MTREX: variants seen among roughly 807,000 people sequenced by gnomAD.
The protein encoded by MTREX is Mtr4 exosome RNA helicase.
In MTREX, 76 loss-of-function variants were observed where a neutral mutation model predicts 135.4. The observed-to-expected ratio is 0.56, with a 90% CI of 0.47 to 0.68. The LOEUF (loss-of-function observed/expected upper bound fraction) is 0.68. Among genes scored for constraint, MTREX ranks in the 30% least tolerant of loss-of-function variants. MTREX has a pLI of 0.00. For missense variants in MTREX, 920 were observed against 1,262.1 expected, an observed-to-expected ratio of 0.73 and a Z score of 4.11; for synonymous variants, 404 against 401.6, an observed-to-expected ratio of 1.01 and a Z score of -0.07.
intron 7 of MTREX, 123 bp downstream of exon 7, chr5:55,341,894 G>T (rs1749654912): frequency 3.9e-6 from 2 of 514,010 alleles, no homozygotes; most frequent in Non-Finnish European, 6.8e-6. Context: ...ATAAACTGTT[G>T]TTTCTTTATT....
intron 15 of MTREX, among the ~76,000 whole-genome samples, chr5:55,360,311 A>T (rs1255748205): frequency 6.6e-6 from 1 of 151,660 alleles, no homozygotes; most frequent in Non-Finnish European, 1.5e-5. Context: ...ATAATATTTC[A>T]TTGTATGGGT....
Position 55,321,136 on chromosome 5 carries a change from A to T in MTREX, c.135-1191A>T, listed in dbSNP as rs559301563. On this transcript the variant is annotated intron_variant, in intron 1 of 26. Transcript: ENST00000230640. The stretch of plus-strand genomic sequence containing the variant: ...TTTTAAAGTGAATTAATAAGTATTT[A>T]AAAAAATTTTAATCTTAATATCTAA... Among the ~76,000 whole-genome samples, 68 of 152,200 alleles carry T rather than the reference A, an allele frequency of 4.5e-4. No homozygotes were observed. The South Asian group carries it at 8.0e-3, about 18-fold the overall frequency.
chr5:55,339,515 T>C (rs192780698), intron 5 of MTREX, among the ~76,000 whole-genome samples: 17 of 152,364 alleles, frequency 1.1e-4, no homozygotes, highest in Admixed American at 2.0e-4. Flanking sequence ...TTAATAGCTA[T>C]GAAAGAAATT....
rs1238194592 is a variant in MTREX, at chr5:55,388,015, A to G, written c.2094A>G (p.Val698=). Residue 698 remains valine, a synonymous_variant, in exon 19 of 27, where the codon GTA becomes GTG. Transcript: ENST00000230640. ...GELDPLYVVE[V]LLRCSKESLK... ...TGGATCCTTTGTATGTAGTAGAAGT[A>G]CTTCTGCGCTGTAGCAAAGAGAGCT... 1 of 1,605,700 alleles carries G rather than the reference A, an allele frequency of 6.2e-7. No individual in the cohort carries two copies. The highest frequency in any genetic ancestry group is 1.7e-5 in the Admixed American group (1 of 59,922).
At chr5:55,379,470 C>G (rs1017213851) in intron 18 of MTREX, among the ~76,000 whole-genome samples, 25 of 151,896 alleles carry the variant, frequency 1.6e-4, no homozygotes, top group African/African-American at 5.6e-4. Flanking sequence ...CAGGTGTGAG[C>G]CACCGCACCA....
chr5:55,385,610 G>A (rs949278647), intron 18 of MTREX, among the ~76,000 whole-genome samples: 2 of 152,198 alleles, frequency 1.3e-5, no homozygotes, highest in African/African-American at 2.4e-5. Context: ...AGACTTTACT[G>A]AATTTTAGAT....
At chr5:55,373,566 A>T (rs956580475) in intron 16 of MTREX, among the ~76,000 whole-genome samples, 107 of 152,222 alleles carry the variant, frequency 7.0e-4, no homozygotes, top group African/African-American at 2.4e-3. Flanking sequence ...ATCTATTTTT[A>T]AAAATATTTT....
At position 55,388,028 on chromosome 5, in the gene MTREX, A is replaced by G. The variant is rs1178637423; in HGVS notation, c.2107A>G (p.Ser703Gly). The change falls in exon 19 of 27, where the codon AGC (serine) becomes GGC (glycine). Residue 703 changes from serine to glycine, a missense_variant. Ser to Gly is a moderately conservative substitution (Grantham distance 56). Around this residue, in one of 6 missense-constraint regions of MTREX, gnomAD observed 467 missense variants for 589.7 expected, o/e 0.79. Transcript: ENST00000230640. Reference sequence around the variant, plus strand: ...TGTAGTAGAAGTACTTCTGCGCTGTAGCAAAGAGAGCTTGAAAAATTCAGC... The same window carrying G: ...TGTAGTAGAAGTACTTCTGCGCTGTGGCAAAGAGAGCTTGAAAAATTCAGC... ...LYVVEVLLRCSKESLKNSATE... is the reference protein window; with the variant it reads ...LYVVEVLLRCGKESLKNSATE... The G allele has an allele frequency of 2.5e-6, 4 of 1,609,286 alleles. No homozygotes were observed. Among genetic ancestry groups the G allele is most frequent in the Non-Finnish European group, 3.4e-6 (4 of 1,176,636 alleles).
At chr5:55,341,329 A>C (rs935545110) in intron 6 of MTREX, among the ~76,000 whole-genome samples, 4 of 152,164 alleles carry the variant, frequency 2.6e-5, no homozygotes, top group African/African-American at 9.7e-5. Flanking sequence ...GAAAGTATGA[A>C]TCTTGGGACG....
chr5:55,341,200 G>T (rs960735714), intron 6 of MTREX, among the ~76,000 whole-genome samples: 4 of 152,174 alleles, frequency 2.6e-5, no homozygotes, highest in South Asian at 4.2e-4. Flanking sequence ...CAAAAATTAG[G>T]GTAACAGTTG....
chr5:55,425,024 C>G lies in MTREX; in HGVS notation c.*252C>G. 1 of 832,924 alleles carries G rather than the reference C, an allele frequency of 1.2e-6. No individual in the cohort carries two copies. Among genetic ancestry groups the G allele is most frequent in the Non-Finnish European group, 1.9e-6 (1 of 538,618 alleles). 51.6% of individuals were successfully genotyped at this position (832,924 alleles called of 1,614,324 possible). On this transcript the variant is annotated 3_prime_UTR_variant, in exon 27 of 27. Transcript: ENST00000230640. Reference sequence around the variant, plus strand: ...TGGAGTTTTTTTAATGAGTTTAGAGCTATTAGATAACCACTGAGTTAAAGG... The same window carrying G: ...TGGAGTTTTTTTAATGAGTTTAGAGGTATTAGATAACCACTGAGTTAAAGG...
intron 15 of MTREX, among the ~76,000 whole-genome samples, chr5:55,362,856 G>A (rs1483564286): frequency 3.9e-5 from 6 of 152,114 alleles, no homozygotes. Context: ...AGTATAACTA[G>A]AAGAAATACA....
chr5:55,424,913 A>G lies in MTREX; in HGVS notation c.*141A>G, dbSNP rs1751127397. 1 of 656,820 alleles carries G rather than the reference A, an allele frequency of 1.5e-6. No individual in the cohort carries two copies. The allele number at this position is 656,820 out of a possible 1,614,324, so 40.7% of individuals were successfully genotyped here. ...TTTAAATCAAACATCATTCATAGAA[A>G]GCATATTACATACATGTTTATACAT... On this transcript the variant is annotated 3_prime_UTR_variant, in exon 27 of 27. Transcript: ENST00000230640.
chr5:55,376,578 G>C (rs1325457789), intron 16 of MTREX, among the ~76,000 whole-genome samples: 1 of 152,160 alleles, frequency 6.6e-6, no homozygotes, highest in Non-Finnish European at 1.5e-5. Context: ...GATCTTTTTA[G>C]AATTTGCTGT....
chr5:55,380,093 G>A (rs1038779884), intron 18 of MTREX, among the ~76,000 whole-genome samples: 1 of 151,960 alleles, frequency 6.6e-6, no homozygotes, highest in African/African-American at 2.4e-5. Context: ...CTGCCACCAA[G>A]CCCAGCTAAT....
intron 16 of MTREX, among the ~76,000 whole-genome samples, chr5:55,370,000 C>T (rs973907773): frequency 1.3e-5 from 2 of 151,944 alleles, no homozygotes; most frequent in Middle Eastern, 3.4e-3. Flanking sequence ...CTCGGCTCAC[C>T]CCAACCTCCA....
Position 55,346,892 on chromosome 5 carries a change from C to T in MTREX, c.1109-121C>T. The stretch of plus-strand genomic sequence containing the variant: ...TCATATCTAAGAATGCTTTGTCTAA[C>T]CCACGGTCAGGAAGATTTATTCCTA... On this transcript the variant is annotated intron_variant, in intron 10 of 26. Coordinates refer to ENST00000230640, the MANE Select transcript of MTREX (RefSeq NM_015360.5). 5 of 757,172 alleles carry T rather than the reference C, an allele frequency of 6.6e-6. No individual in the cohort carries two copies. In the South Asian group the frequency reaches 1.2e-4, roughly 18 times the overall value. 46.9% of individuals were successfully genotyped at this position (757,172 alleles called of 1,614,324 possible).
intron 14 of MTREX, among the ~76,000 whole-genome samples, chr5:55,357,834 A>G (rs1337458485): frequency 1.3e-5 from 2 of 152,228 alleles, no homozygotes; most frequent in Admixed American, 1.3e-4. Flanking sequence ...GCCTGTATAC[A>G]GGTGGCTTAC....
At position 55,425,447 on chromosome 5, in the gene MTREX, G is replaced by T; in HGVS notation, c.*675G>T. 1.0e-6 allele frequency: 1 copy of T among 999,628 alleles called. No individual in the cohort carries two copies. Among genetic ancestry groups the T allele is most frequent in the Non-Finnish European group, 1.4e-6 (1 of 701,182 alleles). 61.9% of individuals were successfully genotyped at this position (999,628 alleles called of 1,614,324 possible). ...TAAACAAAAGGATATACTTTGAGGT[G>T]TACAGATTAAGCATATAAAAAATTA... On this transcript the variant is annotated 3_prime_UTR_variant, in exon 27 of 27. Coordinates refer to ENST00000230640, the MANE Select transcript of MTREX (RefSeq NM_015360.5).
Sources: gnomAD v4.1 joint callset for allele counts (sites outside exome capture counted in the v4.1 genomes callset) on GRCh38, gnomAD v4.1.1 for gene constraint, gnomAD v4.1.1 regional missense constraint, MANE v1.5 for transcripts, NCBI Gene and HGNC (gene_info 2026-07-23, HGNC 2026-07-21) for gene names.